FANCC: variants seen among roughly 807,000 people sequenced by gnomAD.
FANCC encodes Fanconi anemia group C protein.
In FANCC, 55 loss-of-function variants were observed where a neutral mutation model predicts 71.3. The observed-to-expected ratio is 0.77, with a 90% CI of 0.62 to 0.97. The LOEUF is 0.97. FANCC is among the 50% of genes least tolerant of loss of function. The probability of loss-of-function intolerance (pLI) is 0.00; values close to 1 mark genes in which losing one functional copy is unlikely to be tolerated. For missense variants in FANCC, 678 were observed against 670.9 expected (o/e 1.01, Z -0.12); for synonymous variants, 275 against 244.9 (o/e 1.12, Z -1.15).
At chr9:95,208,656 G>A (rs1322292428) in intron 4 of FANCC, among the ~76,000 whole-genome samples, 3 of 152,148 alleles carry the variant, frequency 2.0e-5, no homozygotes, top group Non-Finnish European at 4.4e-5. Flanking sequence ...CACATTATAT[G>A]TCCTCAGGGA....
In FANCC at chr9:95,111,452, C is replaced by T; in HGVS notation, c.1329+11G>A. On this transcript the variant is annotated intron_variant, in intron 13 of 14. Coordinates refer to ENST00000289081, the MANE Select transcript of FANCC (RefSeq NM_000136.3). ...CCACCCCAAACACATGCAGTGGGGC[C>T]TGCTACCCACCATAGTCTGTGCTCT... 1 of 1,610,282 alleles carries T rather than the reference C, an allele frequency of 6.2e-7. No homozygotes were observed. The highest frequency in any genetic ancestry group is 1.7e-5 in the Admixed American group (1 of 60,020).
intron 4 of FANCC, among the ~76,000 whole-genome samples, chr9:95,232,994 T>C (rs1830099807): frequency 6.6e-6 from 1 of 152,090 alleles, no homozygotes; most frequent in African/African-American, 2.4e-5. Flanking sequence ...CCAACCAGTG[T>C]GGCCAGAGGA....
rs537214435 is a variant in FANCC at position 95,272,586 on chromosome 9, A to G, written c.-78-23217T>C. On this transcript the variant is annotated intron_variant, in intron 1 of 14. Transcript: ENST00000289081. The stretch of plus-strand genomic sequence containing the variant: ...GTGTCATATGTCTGTAATCCCAGCT[A>G]CTCGGGAGGCTGTGGCGAGAATTGC... 3.2e-4 allele frequency among the ~76,000 whole-genome samples: 48 copies of G among 152,160 alleles called. No homozygotes were observed. The East Asian group carries it at 8.7e-3, about 28-fold the overall frequency.
chr9:95,126,234 C>A lies in FANCC; in HGVS notation c.896+295G>T, dbSNP rs1588105383. ...CCCTTTATTCTGAGCTGAGAAAAATCCTACATGAATATTTCATGATATTAA... is the reference window on the plus strand; with the variant it reads ...CCCTTTATTCTGAGCTGAGAAAAATACTACATGAATATTTCATGATATTAA... On this transcript the variant is annotated intron_variant, in intron 9 of 14. Transcript: ENST00000289081. Among the ~76,000 whole-genome samples the A allele has an allele frequency of 2.0e-5, 3 of 152,266 alleles. No homozygotes were observed. The East Asian group carries it at 5.8e-4, about 29-fold the overall frequency.
chr9:95,155,316 GGAGGGGAGGGGAGGAAGGAAGGGAGGA>G (rs1830407019), intron 6 of FANCC, among the ~76,000 whole-genome samples: 1 of 68,350 alleles, frequency 1.5e-5, no homozygotes, highest in Admixed American at 1.3e-4. Flanking sequence ...GGAGGGGAGG[GGAGGGGAGGGGAGGAAGGAAGGGAGGA>G]AGGGAGGGAG....
intron 6 of FANCC, among the ~76,000 whole-genome samples, chr9:95,161,145 A>G (rs959011576): frequency 1.3e-5 from 2 of 152,212 alleles, no homozygotes; most frequent in Non-Finnish European, 2.9e-5. Flanking sequence ...TACTTTGGGG[A>G]TGAATTCAAG....
At chr9:95,246,307 AC>A (rs1722220496) in intron 3 of FANCC, among the ~76,000 whole-genome samples, 1 of 152,218 alleles carries the variant, frequency 6.6e-6, no homozygotes, top group African/African-American at 2.4e-5. Context: ...GTGGGCGTCC[AC>A]GCACGCCTGC....
At chr9:95,258,899 GACAA>G (rs1362947656) in intron 1 of FANCC, among the ~76,000 whole-genome samples, 2 of 152,054 alleles carry the variant, frequency 1.3e-5, no homozygotes, top group Non-Finnish European at 2.9e-5. Context: ...ACCAATAACA[GACAA>G]ACAGAGAGCC....
intron 1 of FANCC, among the ~76,000 whole-genome samples, chr9:95,302,096 A>AC (rs917785409): frequency 2.0e-5 from 3 of 151,180 alleles, no homozygotes; most frequent in African/African-American, 7.3e-5. Flanking sequence ...AAAAAAAAAA[A>AC]ACAAAGAAAA....
At chr9:95,298,094 T>C (rs574593740) in intron 1 of FANCC, among the ~76,000 whole-genome samples, 6 of 152,294 alleles carry the variant, frequency 3.9e-5, no homozygotes, top group Middle Eastern at 3.4e-3. Context: ...AAGATCATAC[T>C]GTAAGATGGA....
Position 95,101,423 on chromosome 9 carries a change from C to A in FANCC, c.*284G>T. On this transcript the variant is annotated 3_prime_UTR_variant, in exon 15 of 15. Coordinates refer to ENST00000289081, the MANE Select transcript of FANCC (RefSeq NM_000136.3). ...ACCTGTTCTCCCACCCAGGCCTTTG[C>A]TTTAGTAATTATCAAGCTGACGGTC... is the stretch of plus-strand genomic sequence containing the variant. 2.0e-6 allele frequency: 1 copy of A among 501,316 alleles called. No homozygotes were observed. The highest frequency in any genetic ancestry group is 3.6e-6 in the Non-Finnish European group (1 of 275,054). The allele number at this position is 501,316 out of a possible 1,614,324, so 31.1% of individuals were successfully genotyped here. A position where few individuals can be genotyped will look rare whatever the true frequency, so the allele number is the denominator to read the frequency against.
At chr9:95,136,289 C>T (rs1827686585) in intron 7 of FANCC, among the ~76,000 whole-genome samples, 1 of 151,868 alleles carries the variant, frequency 6.6e-6, no homozygotes, top group African/African-American at 2.4e-5. Context: ...ATCCCAGCTA[C>T]TTGGGAGGCT....
chr9:95,102,576 C>G (rs2071144916), intron 14 of FANCC, among the ~76,000 whole-genome samples: 1 of 152,190 alleles, frequency 6.6e-6, no homozygotes, highest in Admixed American at 6.5e-5. Context: ...TAGTGTGTGT[C>G]AGTTTATACA....
intron 7 of FANCC, chr9:95,142,617 A>G (rs1828931912): frequency 6.9e-6 from 1 of 144,604 alleles, no homozygotes; most frequent in Admixed American, 6.9e-5. Context: ...ACCCATTTAA[A>G]TCTTAGTGTA....
chr9:95,219,025 T>C (rs868123604), intron 4 of FANCC, among the ~76,000 whole-genome samples: 3 of 152,258 alleles, frequency 2.0e-5, no homozygotes, highest in South Asian at 2.1e-4. Flanking sequence ...CAATTCCTAG[T>C]TTTCTCCCTC....
At chr9:95,104,261 CAT>C (rs1251899368) in intron 14 of FANCC, among the ~76,000 whole-genome samples, 1 of 152,272 alleles carries the variant, frequency 6.6e-6, no homozygotes, top group Non-Finnish European at 1.5e-5. Flanking sequence ...GGTTTCAAAA[CAT>C]CCGAAAGGAC....
intron 4 of FANCC, 146 bp from the exon 5 acceptor site, chr9:95,172,293 T>A: frequency 1.7e-6 from 1 of 605,262 alleles, no homozygotes; most frequent in Non-Finnish European, 3.0e-6. Flanking sequence ...TTTACTTTGA[T>A]TCAAAGTGTA....
intron 8 of FANCC, among the ~76,000 whole-genome samples, chr9:95,134,051 G>A (rs1014272663): frequency 3.3e-5 from 5 of 152,066 alleles, no homozygotes; most frequent in Admixed American, 2.6e-4. Flanking sequence ...CTCTTCTATC[G>A]TGGTAAACTT....
chr9:95,144,219 A>C (rs1314987994), intron 7 of FANCC, among the ~76,000 whole-genome samples: 1 of 152,224 alleles, frequency 6.6e-6, no homozygotes, highest in Non-Finnish European at 1.5e-5. Flanking sequence ...TGTTCCGCCT[A>C]CGGGAAAGTG....
Sources: gnomAD v4.1 joint callset for allele counts (sites outside exome capture counted in the v4.1 genomes callset) on GRCh38, gnomAD v4.1.1 for gene constraint, MANE v1.5 for transcripts, NCBI Gene and HGNC (gene_info 2026-07-23, HGNC 2026-07-21) for gene names.